Variants in ZMIZ1 observed in about 807,000 individuals in gnomAD.
ZMIZ1 encodes the protein zinc finger MIZ domain-containing protein 1.
In ZMIZ1, 17 loss-of-function variants were observed where a neutral mutation model predicts 113.9. The observed-to-expected ratio is 0.15, with a 90% CI of 0.10 to 0.22. The LOEUF is 0.22. ZMIZ1 is among the 10% of genes least tolerant of loss of function. The probability of loss-of-function intolerance (pLI) is 1.00; values close to 1 mark genes in which losing one functional copy is unlikely to be tolerated. For synonymous variants in ZMIZ1, 607 were observed against 603.1 expected (o/e 1.01, Z -0.09); for missense variants, 1,059 against 1,477.8 (o/e 0.72, Z 4.65).
chr10:79,203,884 G>GGCACACACATGCGT (rs1260724983), intron 5 of ZMIZ1, among the ~76,000 whole-genome samples: 3 of 152,144 alleles, frequency 2.0e-5, no homozygotes, highest in African/African-American at 7.2e-5. Flanking sequence ...CACCTGCCCC[G>GGCACACACATGCGT]GCACACACAT....
intron 24 of ZMIZ1, 104 bp from the exon 25 acceptor site, chr10:79,312,536 TGA>T: frequency 8.1e-7 from 1 of 1,240,714 alleles, no homozygotes; most frequent in Non-Finnish European, 1.2e-6. Flanking sequence ...GCTAGGGTCC[TGA>T]GAGGCAGGTG....
chr10:79,228,043 C>T (rs538277395), intron 7 of ZMIZ1, among the ~76,000 whole-genome samples: 2 of 152,356 alleles, frequency 1.3e-5, no homozygotes, highest in South Asian at 4.1e-4. Context: ...CCCATCCTGT[C>T]TGTGCCCTGG....
intron 7 of ZMIZ1, among the ~76,000 whole-genome samples, chr10:79,275,342 T>G (rs1852211741): frequency 6.6e-6 from 1 of 152,172 alleles, no homozygotes; most frequent in African/African-American, 2.4e-5. Context: ...GGACACATCT[T>G]TTAAGACTTA....
chr10:79,305,314 GCCCTA>G, intron 20 of ZMIZ1, 83 bp downstream of exon 20: 1 of 1,498,354 alleles, frequency 6.7e-7, no homozygotes, highest in South Asian at 1.1e-5. Flanking sequence ...ACCTCCACCT[GCCCTA>G]AATGCAAACC....
chr10:79,112,491 T>A (rs1269235822), intron 1 of ZMIZ1, among the ~76,000 whole-genome samples: 1 of 152,150 alleles, frequency 6.6e-6, no homozygotes, highest in Non-Finnish European at 1.5e-5. Context: ...CCCATGTTCC[T>A]GGCAGGCTCT....
chr10:79,297,614 C>T lies in ZMIZ1; in HGVS notation c.1415C>T (p.Pro472Leu). 1 of 1,613,874 alleles carries T rather than the reference C, an allele frequency of 6.2e-7. No homozygotes were observed. The highest frequency in any genetic ancestry group is 8.5e-7 in the Non-Finnish European group (1 of 1,179,834). ...GTGTTGTTTATCTTGTTTTAATAGC[C>T]AGAACAGTTTAATGGACAAAATAAC... ...PTVNMGQYYK[P>L]EQFNGQNNTF... Residue 472 changes from proline (P) to leucine (L), a missense_variant and splice_region_variant, in exon 14 of 25, where the codon CCA (proline) becomes CTA (leucine). Physicochemically the swap from Pro to Leu is moderately conservative, Grantham distance 98. Around this residue, in one of 6 missense-constraint regions of ZMIZ1, gnomAD observed 239 missense variants for 247.5 expected, o/e 0.97. Coordinates refer to ENST00000334512, the MANE Select transcript of ZMIZ1 (RefSeq NM_020338.4).
intron 4 of ZMIZ1, among the ~76,000 whole-genome samples, chr10:79,191,022 G>A (rs1008946319): frequency 6.6e-6 from 1 of 152,192 alleles, no homozygotes; most frequent in African/African-American, 2.4e-5. Context: ...CTGTGCAGAA[G>A]TGTATGTGGA....
chr10:79,208,525 A>G lies in ZMIZ1; in HGVS notation c.174+76A>G, dbSNP rs139793947. On this transcript the variant is annotated intron_variant, in intron 6 of 24. Coordinates refer to ENST00000334512, the MANE Select transcript of ZMIZ1 (RefSeq NM_020338.4). ...GTGCTAGCGTGCCTGTCCAGGTTTC[A>G]GAGAGGTTGTCAGACATTGGGAGGT... The G allele has an allele frequency of 4.2e-4, 533 of 1,281,356 alleles. 1 individual carries two copies. In the African/African-American group the frequency reaches 7.1e-3, roughly 17 times the overall value. 79.4% of individuals were successfully genotyped at this position (1,281,356 alleles called of 1,614,324 possible).
rs772200398 is a variant in ZMIZ1 at position 79,290,776 on chromosome 10, G to A, written c.541-183G>A. Reference sequence around the variant, plus strand: ...GTTCTCATCCCCCACGCCACCTGCCGCCCAGGCCCGCTCCTTATCACCGGT... The same window carrying A: ...GTTCTCATCCCCCACGCCACCTGCCACCCAGGCCCGCTCCTTATCACCGGT... On this transcript the variant is annotated intron_variant, in intron 9 of 24. Coordinates refer to ENST00000334512, the MANE Select transcript of ZMIZ1 (RefSeq NM_020338.4). The A allele has an allele frequency of 4.5e-4, 342 of 754,780 alleles. 1 individual carries two copies. The highest frequency in any genetic ancestry group is 7.3e-4 in the Non-Finnish European group (316 of 430,972). 46.8% of individuals were successfully genotyped at this position (754,780 alleles called of 1,614,324 possible).
intron 1 of ZMIZ1, among the ~76,000 whole-genome samples, chr10:79,117,866 G>C (rs1457781191): frequency 6.6e-6 from 1 of 152,214 alleles, no homozygotes; most frequent in Admixed American, 6.5e-5. Flanking sequence ...GGGAAGTAGA[G>C]CCATGAGGCT....
intron 4 of ZMIZ1, among the ~76,000 whole-genome samples, chr10:79,164,073 AAAG>A (rs1846219646): frequency 6.6e-6 from 1 of 152,242 alleles, no homozygotes; most frequent in Non-Finnish European, 1.5e-5. Context: ...TGGAAAAAGA[AAAG>A]AAAACCACTC....
At chr10:79,130,685 G>A (rs1157480890) in intron 2 of ZMIZ1, among the ~76,000 whole-genome samples, 1 of 152,096 alleles carries the variant, frequency 6.6e-6, no homozygotes, top group Non-Finnish European at 1.5e-5. Context: ...GACTAACCGT[G>A]TGACCTTGGG....
At chr10:79,247,951 T>A (rs1341798806) in intron 7 of ZMIZ1, among the ~76,000 whole-genome samples, 1 of 152,182 alleles carries the variant, frequency 6.6e-6, no homozygotes, top group Non-Finnish European at 1.5e-5. Context: ...GGCCTGAGTG[T>A]CTCATCTCTG....
intron 7 of ZMIZ1, among the ~76,000 whole-genome samples, chr10:79,255,153 T>G (rs1246385014): frequency 6.6e-6 from 1 of 152,158 alleles, no homozygotes; most frequent in Non-Finnish European, 1.5e-5. Flanking sequence ...GCAGCTCCCC[T>G]CATTCCCCAC....
Position 79,315,315 on chromosome 10 carries a change from G to A in ZMIZ1, c.*2566G>A. On this transcript the variant is annotated 3_prime_UTR_variant, in exon 25 of 25. Transcript: ENST00000334512. ...AGGTGCAGAGGCATCCGGGGCGGGAGCAAGCCCCAGGTTGTGACAGGTGCA... is the reference window on the plus strand; with the variant it reads ...AGGTGCAGAGGCATCCGGGGCGGGAACAAGCCCCAGGTTGTGACAGGTGCA... 1 of 153,158 alleles carries A rather than the reference G, an allele frequency of 6.5e-6. No homozygotes were observed. The highest frequency in any genetic ancestry group is 1.5e-5 in the Non-Finnish European group (1 of 68,228). 9.5% of individuals were successfully genotyped at this position (153,158 alleles called of 1,614,324 possible).
chr10:79,149,200 C>G (rs1455337555), intron 3 of ZMIZ1, among the ~76,000 whole-genome samples: 1 of 152,228 alleles, frequency 6.6e-6, no homozygotes, highest in African/African-American at 2.4e-5. Context: ...GGCTGGGCCC[C>G]AGGCAGGCCC....
chr10:79,291,210 A>ACGC (rs764310442), intron 10 of ZMIZ1, 34 bp downstream of exon 10: 1 of 1,563,100 alleles, frequency 6.4e-7, no homozygotes, highest in South Asian at 1.2e-5. Context: ...GAAGCCATGG[A>ACGC]CGCCACCCCT....
In ZMIZ1 at chr10:79,289,904, T is replaced by C. The variant is rs745882597; in HGVS notation, c.540+15T>C. On this transcript the variant is annotated intron_variant, in intron 9 of 24. Transcript: ENST00000334512. ...CCCAGAGCCAGGTAAGAGCCTATACTGCCCTCAGCCACAGCTCTTTCTAGG... is the reference window on the plus strand; with the variant it reads ...CCCAGAGCCAGGTAAGAGCCTATACCGCCCTCAGCCACAGCTCTTTCTAGG... 6.2e-6 allele frequency: 10 copies of C among 1,609,754 alleles called. No individual in the cohort carries two copies. The South Asian group carries it at 9.9e-5, about 16-fold the overall frequency.
At chr10:79,104,408 G>A (rs148001241) in intron 1 of ZMIZ1, among the ~76,000 whole-genome samples, 2 of 152,284 alleles carry the variant, frequency 1.3e-5, no homozygotes, top group East Asian at 1.9e-4. Flanking sequence ...GGGTCAGAGG[G>A]ACCAGATTAC....
Sources: gnomAD v4.1 joint callset for allele counts (sites outside exome capture counted in the v4.1 genomes callset) on GRCh38, gnomAD v4.1.1 for gene constraint, gnomAD v4.1.1 regional missense constraint, MANE v1.5 for transcripts, NCBI Gene and HGNC (gene_info 2026-07-23, HGNC 2026-07-21) for gene names.